The following TUT7 variants were observed in gnomAD, a reference collection of about 807,000 sequenced individuals.
TUT7 encodes terminal uridylyl transferase 7, also known as terminal uridylyltransferase 7.
A neutral mutation model predicts 165.9 loss-of-function variants in TUT7; 33 were observed. That is an observed-to-expected ratio of 0.20 (90% CI 0.15 to 0.27). The LOEUF (loss-of-function observed/expected upper bound fraction) is 0.27, where lower values mean the gene tolerates loss of function less well. TUT7 is among the 10% of genes least tolerant of loss of function. The probability of loss-of-function intolerance (pLI) is 1.00; values close to 1 mark genes in which losing one functional copy is unlikely to be tolerated. For synonymous variants in TUT7, 552 were observed against 608.1 expected, an observed-to-expected ratio of 0.91 and a Z score of 1.36; for missense variants, 1,338 against 1,762.3, an observed-to-expected ratio of 0.76 and a Z score of 4.31.
At chr9:86,347,551 C>A (rs992187237) in intron 2 of TUT7, among the ~76,000 whole-genome samples, 3 of 152,010 alleles carry the variant, frequency 2.0e-5, no homozygotes, top group Non-Finnish European at 4.4e-5. Context: ...AAATATAGGA[C>A]CTCCAATTTT....
chr9:86,338,404 T>C (rs180738372), intron 9 of TUT7, among the ~76,000 whole-genome samples: 12 of 152,286 alleles, frequency 7.9e-5, no homozygotes, highest in South Asian at 4.1e-4. Context: ...AATTGAAATA[T>C]ATTTAAAACA....
intron 26 of TUT7, among the ~76,000 whole-genome samples, chr9:86,293,180 G>A (rs1286633211): frequency 6.6e-6 from 1 of 152,084 alleles, no homozygotes; most frequent in East Asian, 1.9e-4. Context: ...TGGGCCGGGT[G>A]GAGTGGCTCA....
At chr9:86,296,818 A>C (rs943230596) in intron 26 of TUT7, among the ~76,000 whole-genome samples, 3 of 152,220 alleles carry the variant, frequency 2.0e-5, no homozygotes, top group African/African-American at 7.2e-5. Flanking sequence ...GGGGAAATTA[A>C]CACCACTTAC....
At position 86,347,053 on chromosome 9, in the gene TUT7, C is replaced by T. The variant is rs538065076; in HGVS notation, c.521-573G>A. 5.9e-5 allele frequency among the ~76,000 whole-genome samples: 9 copies of T among 152,248 alleles called. No individual in the cohort carries two copies. The South Asian group carries it at 1.9e-3, about 32-fold the overall frequency. On this transcript the variant is annotated intron_variant, in intron 2 of 26. Transcript: ENST00000375963. ...TAGTTGCAAATTTAGCCATCAATAACACCTAAGCCGGGTCCCTCCGTTAAT... is the reference window on the plus strand; with the variant it reads ...TAGTTGCAAATTTAGCCATCAATAATACCTAAGCCGGGTCCCTCCGTTAAT...
chr9:86,311,818 C>T lies in TUT7; in HGVS notation c.3275-1009G>A, dbSNP rs575732405. ...TATTTTTTTGGTGGAGACGGGGTTT[C>T]GCTGTGTTGGCCGGGCTGGTCTCCA... On this transcript the variant is annotated intron_variant, in intron 17 of 26. Coordinates refer to ENST00000375963, the MANE Select transcript of TUT7 (RefSeq NM_024617.4). The surrounding 1 kb of genome is among the most constrained non-coding windows in gnomAD (Gnocchi z 4.4). Among the ~76,000 whole-genome samples the T allele has an allele frequency of 1.5e-3, 226 of 152,328 alleles. No individual in the cohort carries two copies. Among genetic ancestry groups the T allele is most frequent in the Non-Finnish European group, 2.2e-3 (152 of 68,034 alleles).
At chr9:86,300,681 T>G (rs1388981441) in intron 26 of TUT7, among the ~76,000 whole-genome samples, 1 of 152,228 alleles carries the variant, frequency 6.6e-6, no homozygotes, top group Non-Finnish European at 1.5e-5. Flanking sequence ...GTGGATGGTG[T>G]TGTTAATGAC....
chr9:86,345,566 T>C, intron 4 of TUT7, 103 bp downstream of exon 4: 3 of 814,100 alleles, frequency 3.7e-6, no homozygotes, highest in South Asian at 3.4e-5. Flanking sequence ...AATAAAGCAG[T>C]AAAGTTATCA....
chr9:86,303,140 C>A lies in TUT7; in HGVS notation c.4040G>T (p.Cys1347Phe). Reference protein sequence around the residue: ...EGELAPNDRCCRICGKIGHFM... With the variant: ...EGELAPNDRCFRICGKIGHFM... Reference sequence around the variant, plus strand: ...GTGTCCGATTTTTCCACAAATTCGACAACATCTATCATTTGGGGCCAGCTC... The same window carrying A: ...GTGTCCGATTTTTCCACAAATTCGAAAACATCTATCATTTGGGGCCAGCTC... The change falls in exon 25 of 27, where the codon TGT becomes TTT. Residue 1347 changes from cysteine to phenylalanine, a missense_variant. Physicochemically the swap from Cys to Phe is radical, Grantham distance 205. Around this residue, in one of 7 missense-constraint regions of TUT7, gnomAD observed 167 missense variants for 204.9 expected, o/e 0.82. Coordinates refer to ENST00000375963, the MANE Select transcript of TUT7 (RefSeq NM_024617.4). 6.2e-7 allele frequency: 1 copy of A among 1,611,278 alleles called. No homozygotes were observed. The highest frequency in any genetic ancestry group is 8.5e-7 in the Non-Finnish European group (1 of 1,178,644).
At chr9:86,337,619 C>A in intron 9 of TUT7, 81 bp from the exon 10 acceptor site, 2 of 1,470,638 alleles carry the variant, frequency 1.4e-6, no homozygotes, top group Non-Finnish European at 1.8e-6. Flanking sequence ...AACCTGTAAC[C>A]TCATTCTTGT....
chr9:86,352,838 C>G lies in TUT7; in HGVS notation c.362G>C (p.Arg121Thr). The G allele has an allele frequency of 6.2e-7, 1 of 1,614,128 alleles. No individual in the cohort carries two copies. The highest frequency in any genetic ancestry group is 8.5e-7 in the Non-Finnish European group (1 of 1,180,024). Reference protein sequence around the residue: ...DNWREFKPGPRIPVINRQRKD... With the variant: ...DNWREFKPGPTIPVINRQRKD... ...TCTTTGTCGGTTTATAACAGGAATT[C>G]TAGGTCCAGGTTTGAATTCTCTCCA... The change falls in exon 2 of 27, where the codon AGA becomes ACA. Residue 121 changes from arginine to threonine, a missense_variant. This residue lies in a region of TUT7 where 434 missense variants were observed against 480.8 expected (regional missense o/e 0.90). Coordinates refer to ENST00000375963, the MANE Select transcript of TUT7 (RefSeq NM_024617.4).
In TUT7 at chr9:86,353,131, G is replaced by A. The variant is rs2378700; in HGVS notation, c.69C>T (p.Asp23=). 5 of 1,612,330 alleles carry A rather than the reference G, an allele frequency of 3.1e-6. No individual in the cohort carries two copies. The highest frequency in any genetic ancestry group is 2.5e-6 in the Non-Finnish European group (3 of 1,179,684). The change falls in exon 2 of 27, where the codon GAC becomes GAT. Residue 23 remains aspartate, a synonymous_variant. Coordinates refer to ENST00000375963, the MANE Select transcript of TUT7 (RefSeq NM_024617.4). ...CTTGTTGGGGGTGACCCCTTCTGAA[G>A]TCATCATCATCCATAGTCCCCCGGT... ...TKDRGTMDDD[D]FRRGHPQQDY...
intron 11 of TUT7, among the ~76,000 whole-genome samples, chr9:86,327,469 C>T (rs995105090): frequency 1.3e-5 from 2 of 152,106 alleles, no homozygotes; most frequent in Non-Finnish European, 2.9e-5. Context: ...CACAGAAAGG[C>T]GAAGTCACTT....
At chr9:86,327,963 T>C (rs1050204907) in intron 11 of TUT7, among the ~76,000 whole-genome samples, 1 of 152,230 alleles carries the variant, frequency 6.6e-6, no homozygotes, top group Admixed American at 6.5e-5. Flanking sequence ...CCCAACAGTA[T>C]GGGACCGGTA....
intron 25 of TUT7, 41 bp from the exon 26 acceptor site, chr9:86,301,642 A>C (rs1826915705): frequency 1.3e-6 from 2 of 1,559,070 alleles, no homozygotes; most frequent in South Asian, 2.5e-5. Flanking sequence ...TCTAAACAGA[A>C]GCCTAACAAA....
At chr9:86,350,357 G>A (rs1209124480) in intron 2 of TUT7, among the ~76,000 whole-genome samples, 2 of 152,124 alleles carry the variant, frequency 1.3e-5, no homozygotes, top group East Asian at 1.9e-4. Flanking sequence ...ATAATAAAAT[G>A]AAATGGTTTT....
At position 86,320,470 on chromosome 9, in the gene TUT7, C is replaced by T. The variant is rs143105821; in HGVS notation, c.3029-800G>A. Among the ~76,000 whole-genome samples, 588 of 152,154 alleles carry T rather than the reference C, an allele frequency of 3.9e-3. 8 individuals carry two copies. Among genetic ancestry groups the T allele is most frequent in the African/African-American group, 0.013 (544 of 41,490 alleles). Reference sequence around the variant, plus strand: ...GGCTGTTAAGTAGGCTATTAATTAGCGTTACTCAAAAATTATTCTATGTTC... The same window carrying T: ...GGCTGTTAAGTAGGCTATTAATTAGTGTTACTCAAAAATTATTCTATGTTC... On this transcript the variant is annotated intron_variant, in intron 14 of 26. Transcript: ENST00000375963.
chr9:86,297,794 A>G (rs1388914067), intron 26 of TUT7, among the ~76,000 whole-genome samples: 1 of 151,896 alleles, frequency 6.6e-6, no homozygotes, highest in East Asian at 1.9e-4. Context: ...ATAGTCTCTC[A>G]TTTCACTTTG....
chr9:86,354,036 G>C (rs1287479441), intron 1 of TUT7, among the ~76,000 whole-genome samples: 1 of 152,240 alleles, frequency 6.6e-6, no homozygotes, highest in Non-Finnish European at 1.5e-5. Flanking sequence ...AGAAGCCACC[G>C]TGGGGACCAG....
chr9:86,295,458 C>A (rs967161845), intron 26 of TUT7, among the ~76,000 whole-genome samples: 1 of 151,784 alleles, frequency 6.6e-6, no homozygotes, highest in Non-Finnish European at 1.5e-5. Flanking sequence ...AAAGAATATG[C>A]AAGCACAAGT....
Sources: gnomAD v4.1 joint callset for allele counts (sites outside exome capture counted in the v4.1 genomes callset) on GRCh38, gnomAD v4.1.1 for gene constraint, gnomAD v4.1.1 regional missense constraint, Gnocchi (gnomAD v3.1) non-coding constraint, MANE v1.5 for transcripts, NCBI Gene and HGNC (gene_info 2026-07-23, HGNC 2026-07-21) for gene names.